KPNA3: variants seen among roughly 807,000 people sequenced by gnomAD.
KPNA3 encodes karyopherin subunit alpha 3.
In KPNA3, 13 loss-of-function variants were observed where a neutral mutation model predicts 73.8. The observed-to-expected ratio is 0.18, with a 90% confidence interval of 0.11 to 0.28. The LOEUF is 0.28. Among genes scored for constraint, KPNA3 ranks in the 10% least tolerant of loss-of-function variants. The probability of loss-of-function intolerance (pLI) is 1.00; values close to 1 mark genes in which losing one functional copy is unlikely to be tolerated. For synonymous variants in KPNA3, 186 were observed against 206.9 expected, an observed-to-expected ratio of 0.90 and a Z score of 0.87; for missense variants, 360 against 618.1, an observed-to-expected ratio of 0.58 and a Z score of 4.43.
intron 1 of KPNA3, among the ~76,000 whole-genome samples, chr13:49,771,652 G>C (rs1462404550): frequency 6.6e-6 from 1 of 152,014 alleles, no homozygotes; most frequent in Non-Finnish European, 1.5e-5. Flanking sequence ...TTGAGACAGG[G>C]TCTCACTCTG....
rs1372569612 is a variant in KPNA3 at position 49,713,665 on chromosome 13, AC to A, written c.772-2644del. Reference sequence around the variant, plus strand: ...CACACACACACACACACACACACACACACACACACAAAACAGAAAAACCCAA... The same window carrying A: ...CACACACACACACACACACACACACAACACACACAAAACAGAAAAACCCAA... On this transcript the variant is annotated intron_variant, in intron 10 of 16. Coordinates refer to ENST00000261667, the MANE Select transcript of KPNA3 (RefSeq NM_002267.4). 5.3e-5 allele frequency among the ~76,000 whole-genome samples: 8 copies of A among 151,786 alleles called. No homozygotes were observed. In the East Asian group the frequency reaches 1.6e-3, roughly 29 times the overall value.
At chr13:49,750,415 G>C (rs1954652007) in intron 1 of KPNA3, among the ~76,000 whole-genome samples, 1 of 152,162 alleles carries the variant, frequency 6.6e-6, no homozygotes, top group Non-Finnish European at 1.5e-5. Context: ...CACTTTCGGA[G>C]GTCGAGGCGG....
intron 1 of KPNA3, among the ~76,000 whole-genome samples, chr13:49,773,280 T>C (rs929375889): frequency 6.6e-5 from 10 of 152,160 alleles, no homozygotes; most frequent in African/African-American, 1.9e-4. Flanking sequence ...ACATTTTGAT[T>C]GCAATGGTGG....
At chr13:49,718,286 G>A (rs1368388301) in intron 10 of KPNA3, among the ~76,000 whole-genome samples, 1 of 152,060 alleles carries the variant, frequency 6.6e-6, no homozygotes, top group East Asian at 1.9e-4. Flanking sequence ...TAATGTTAAG[G>A]TCTTAGAAGG....
Position 49,725,618 on chromosome 13 carries a change from T to C in KPNA3, c.384-117A>G, listed in dbSNP as rs1411521981. The C allele has an allele frequency of 8.6e-6, 5 of 579,262 alleles. No homozygotes were observed. The South Asian group carries it at 9.1e-5, about 11-fold the overall frequency. 35.9% of individuals were successfully genotyped at this position (579,262 alleles called of 1,614,324 possible). On this transcript the variant is annotated intron_variant, in intron 6 of 16. Coordinates refer to ENST00000261667, the MANE Select transcript of KPNA3 (RefSeq NM_002267.4). ...CTTGTCCTTGAATTTCACCTTGTTA[T>C]AATCCAATTGCCTGCTAGCCAACCC...
At chr13:49,778,587 T>C (rs767713552) in intron 1 of KPNA3, among the ~76,000 whole-genome samples, 58 of 152,194 alleles carry the variant, frequency 3.8e-4, no homozygotes, top group Non-Finnish European at 7.9e-4. Context: ...GAGTTCAATA[T>C]ATTATTCTCT....
chr13:49,711,968 C>T (rs1261037967), intron 10 of KPNA3, among the ~76,000 whole-genome samples: 5 of 152,114 alleles, frequency 3.3e-5, no homozygotes, highest in African/African-American at 1.2e-4. Context: ...TAAATTCTAG[C>T]TTTTGTCTGG....
intron 1 of KPNA3, among the ~76,000 whole-genome samples, chr13:49,754,843 A>G (rs181872796): frequency 4.5e-4 from 69 of 152,260 alleles, no homozygotes; most frequent in Non-Finnish European, 6.6e-4. Context: ...GAAATACCTA[A>G]TTTGAATAAC....
chr13:49,752,076 G>C (rs1451072560), intron 1 of KPNA3, among the ~76,000 whole-genome samples: 1 of 152,160 alleles, frequency 6.6e-6, no homozygotes, highest in East Asian at 1.9e-4. Context: ...GAGAACAAGA[G>C]AACTCCCAAA....
At chr13:49,752,013 A>G (rs760488969) in intron 1 of KPNA3, among the ~76,000 whole-genome samples, 2 of 152,250 alleles carry the variant, frequency 1.3e-5, no homozygotes, top group African/African-American at 2.4e-5. Flanking sequence ...ATTCATATGC[A>G]TATATGCAGA....
intron 2 of KPNA3, among the ~76,000 whole-genome samples, chr13:49,733,539 G>A (rs934236730): frequency 1.3e-5 from 2 of 152,214 alleles, no homozygotes; most frequent in East Asian, 1.9e-4. Flanking sequence ...TCCGCTTGCC[G>A]CGGCCTCCCA....
intron 7 of KPNA3, among the ~76,000 whole-genome samples, chr13:49,723,787 T>A: frequency 6.6e-6 from 1 of 150,490 alleles, no homozygotes; most frequent in East Asian, 2.0e-4. Context: ...GGAGAATTGC[T>A]TGAACCCAGG....
chr13:49,761,181 A>T (rs1199571409), intron 1 of KPNA3, among the ~76,000 whole-genome samples: 1 of 152,056 alleles, frequency 6.6e-6, no homozygotes, highest in African/African-American at 2.4e-5. Flanking sequence ...GATGTCATAT[A>T]AGTAGTAGAG....
intron 10 of KPNA3, among the ~76,000 whole-genome samples, chr13:49,715,089 G>C (rs1026487115): frequency 4.6e-5 from 7 of 151,724 alleles, no homozygotes; most frequent in Non-Finnish European, 8.8e-5. Context: ...CAGTGTCCTT[G>C]ATAGAACACC....
chr13:49,719,877 G>A (rs2137542695), intron 9 of KPNA3, 58 bp from the exon 10 acceptor site: 2 of 1,110,168 alleles, frequency 1.8e-6, no homozygotes, highest in East Asian at 4.9e-5. Context: ...CTGTAAAAAT[G>A]AACAACTTTG....
At chr13:49,709,754 C>A in intron 11 of KPNA3, 54 bp from the exon 12 acceptor site, 1 of 1,526,866 alleles carries the variant, frequency 6.5e-7, no homozygotes, top group Admixed American at 2.0e-5. Flanking sequence ...AAGACTAATT[C>A]TATATTTTTC....
intron 15 of KPNA3, among the ~76,000 whole-genome samples, chr13:49,703,811 A>G (rs1229186033): frequency 1.3e-5 from 2 of 152,152 alleles, no homozygotes; most frequent in African/African-American, 4.8e-5. Flanking sequence ...TTTGAAGGTT[A>G]TTTTAAAATA....
At chr13:49,785,653 C>A (rs1289849327) in intron 1 of KPNA3, among the ~76,000 whole-genome samples, 3 of 151,986 alleles carry the variant, frequency 2.0e-5, no homozygotes, top group African/African-American at 4.8e-5. Flanking sequence ...CCAAGCCATG[C>A]CTACTACATT....
intron 1 of KPNA3, among the ~76,000 whole-genome samples, chr13:49,767,555 T>C (rs1954819148): frequency 6.6e-6 from 1 of 152,190 alleles, no homozygotes; most frequent in Non-Finnish European, 1.5e-5. Context: ...AGTATCAAAT[T>C]GTGTACAGTT....
Sources: gnomAD v4.1 joint callset for allele counts (sites outside exome capture counted in the v4.1 genomes callset) on GRCh38, gnomAD v4.1.1 for gene constraint, MANE v1.5 for transcripts, NCBI Gene and HGNC (gene_info 2026-07-23, HGNC 2026-07-21) for gene names.